UBP1: variants seen among roughly 807,000 people sequenced by gnomAD.
The protein encoded by UBP1 is upstream-binding protein 1.
UBP1 carries 22 observed loss-of-function variants against 76.1 expected under a neutral mutation model. The observed-to-expected ratio is 0.29, with a 90% confidence interval of 0.21 to 0.41. The LOEUF is 0.41. Among genes scored for constraint, UBP1 ranks in the 10% least tolerant of loss-of-function variants. The pLI is 1.00. For synonymous variants in UBP1, 224 were observed against 237.1 expected (o/e 0.94, Z 0.51); for missense variants, 436 against 668.1 (o/e 0.65, Z 3.83).
At chr3:33,440,456 G>A (rs1489025363), upstream of UBP1, 1 of 66,592 alleles carries the variant, frequency 1.5e-5, no homozygotes, top group East Asian at 3.8e-4. Context: ...CCCACGCCTC[G>A]GCCCTCCCCG....
intron 3 of UBP1, chr3:33,414,292 G>A (rs912118141): frequency 6.6e-6 from 1 of 151,854 alleles, no homozygotes; most frequent in African/African-American, 2.4e-5. Context: ...GAGGGAGGAG[G>A]GCGGGAGAGA....
intron 1 of UBP1, among the ~76,000 whole-genome samples, chr3:33,437,127 G>C (rs2045216849): frequency 6.6e-6 from 1 of 151,978 alleles, no homozygotes; most frequent in African/African-American, 2.4e-5. Context: ...GAACACATGA[G>C]AACCAGAGCC....
At chr3:33,415,750 T>G (rs1327952656) in intron 3 of UBP1, among the ~76,000 whole-genome samples, 1 of 148,632 alleles carries the variant, frequency 6.7e-6, no homozygotes, top group East Asian at 2.0e-4. Context: ...ACTGATACAT[T>G]AACAAAAAAA....
chr3:33,400,062 C>T (rs2044163252), intron 11 of UBP1, 127 bp downstream of exon 11: 3 of 526,642 alleles, frequency 5.7e-6, no homozygotes, highest in Non-Finnish European at 9.2e-6. Context: ...AAGAACTTCT[C>T]TGTACATTTT....
intron 1 of UBP1, among the ~76,000 whole-genome samples, chr3:33,437,547 A>G (rs2045222341): frequency 6.6e-6 from 1 of 152,252 alleles, no homozygotes; most frequent in African/African-American, 2.4e-5. Context: ...CCAAAAAGCA[A>G]ATACAGTAAG....
chr3:33,428,411 T>C (rs998065631), intron 1 of UBP1, among the ~76,000 whole-genome samples: 5 of 152,130 alleles, frequency 3.3e-5, no homozygotes, highest in African/African-American at 9.7e-5. Context: ...TGCTAACTGC[T>C]TGGGTTGATC....
chr3:33,399,278 T>C (rs1292717342), intron 11 of UBP1, among the ~76,000 whole-genome samples: 1 of 152,230 alleles, frequency 6.6e-6, no homozygotes, highest in Non-Finnish European at 1.5e-5. Flanking sequence ...TGGGAAATGC[T>C]ACCTCTGCCC....
At chr3:33,412,902 G>C (rs985662779) in intron 3 of UBP1, 75 bp from the exon 4 acceptor site, 11 of 932,146 alleles carry the variant, frequency 1.2e-5, no homozygotes, top group Non-Finnish European at 2.0e-5. Flanking sequence ...TACTTCTTAT[G>C]TGTTAACCTG....
intron 5 of UBP1, 139 bp downstream of exon 5, chr3:33,411,442 C>T: frequency 3.0e-6 from 2 of 674,052 alleles, no homozygotes; most frequent in Non-Finnish European, 2.5e-6. Context: ...TAGATTAAAC[C>T]TAACTATGTA....
chr3:33,437,771 T>A (rs2045225736), intron 1 of UBP1, among the ~76,000 whole-genome samples: 1 of 152,186 alleles, frequency 6.6e-6, no homozygotes, highest in Non-Finnish European at 1.5e-5. Context: ...GCATGGAAAG[T>A]ACAACTGCAG....
Position 33,425,659 on chromosome 3 carries a change from A to G in UBP1, c.196T>C (p.Tyr66His). The change falls in exon 2 of 16, where the codon TAT (tyrosine) becomes CAT (histidine). Residue 66 changes from tyrosine (Y) to histidine (H), a missense_variant. Tyr to His is a moderately conservative substitution (Grantham distance 83). Around this residue, in one of 3 missense-constraint regions of UBP1, gnomAD observed 161 missense variants for 237.9 expected, o/e 0.68. Transcript: ENST00000283629. ...DGETEHPPFQ[Y>H]VMCAATSPAV... is the part of the protein sequence containing the mutation. The stretch of plus-strand genomic sequence containing the variant: ...GGTGACGTTGCAGCACACATCACAT[A>G]CTGAAAGGGTGGGTGCTCTGTTTCA... 1 of 1,604,900 alleles carries G rather than the reference A, an allele frequency of 6.2e-7. No individual in the cohort carries two copies. The highest frequency in any genetic ancestry group is 8.5e-7 in the Non-Finnish European group (1 of 1,172,934).
chr3:33,408,833 T>A, intron 7 of UBP1, 36 bp from the exon 8 acceptor site: 1 of 1,554,786 alleles, frequency 6.4e-7, no homozygotes, highest in African/African-American at 1.4e-5. Flanking sequence ...CAATGTCTTT[T>A]CATTATACAA....
At chr3:33,435,859 T>C (rs192923304) in intron 1 of UBP1, among the ~76,000 whole-genome samples, 2 of 152,286 alleles carry the variant, frequency 1.3e-5, no homozygotes, top group Admixed American at 1.3e-4. Context: ...AAATACAACA[T>C]ACAGTGTCTA....
In UBP1 at chr3:33,396,194, C is replaced by G; in HGVS notation, c.1358G>C (p.Ser453Thr). ...TGCCCCACTGCCATTCTCGCTTGCA[C>G]TGCTTGCAGCTTGCTGCTGCCCTTG... is the stretch of plus-strand genomic sequence containing the variant. Reference protein sequence around the residue: ...VLQGQQQAASSASENGSGAPY... With the variant: ...VLQGQQQAASTASENGSGAPY... Residue 453 changes from serine (S) to threonine (T), a missense_variant, in exon 13 of 16, where the codon AGT (serine) becomes ACT (threonine). Physicochemically the swap from Ser to Thr is moderately conservative, Grantham distance 58. This residue lies in a region of UBP1 where 210 missense variants were observed against 272.8 expected (regional missense o/e 0.77). Coordinates refer to ENST00000283629, the MANE Select transcript of UBP1 (RefSeq NM_014517.5). The G allele has an allele frequency of 6.3e-7, 1 of 1,594,142 alleles. No individual in the cohort carries two copies. Among genetic ancestry groups the G allele is most frequent in the Admixed American group, 1.7e-5 (1 of 59,766 alleles).
chr3:33,417,053 A>G (rs1283583725), intron 2 of UBP1, among the ~76,000 whole-genome samples: 1 of 152,216 alleles, frequency 6.6e-6, no homozygotes, highest in African/African-American at 2.4e-5. Flanking sequence ...CTGTCAATTT[A>G]TCTTCATCTG....
chr3:33,417,320 T>C (rs932699615), intron 2 of UBP1, among the ~76,000 whole-genome samples: 20 of 144,850 alleles, frequency 1.4e-4, no homozygotes, highest in Admixed American at 3.6e-4. Context: ...CTGCTAGCGA[T>C]CACCAATCCA....
Position 33,404,715 on chromosome 3 carries a change from A to G in UBP1, c.928-1811T>C, listed in dbSNP as rs1199723161. On this transcript the variant is annotated intron_variant, in intron 8 of 15. Coordinates refer to ENST00000283629, the MANE Select transcript of UBP1 (RefSeq NM_014517.5). ...TTTTCTGTAAGTCAGGTGATTTTCA[A>G]TTATTTGCTATCAAAATAATTCAGG... 4.6e-5 allele frequency among the ~76,000 whole-genome samples: 7 copies of G among 152,312 alleles called. No homozygotes were observed. In the South Asian group the frequency reaches 1.2e-3, roughly 27 times the overall value.
intron 2 of UBP1, among the ~76,000 whole-genome samples, chr3:33,424,489 T>C (rs2044977564): frequency 6.6e-6 from 1 of 152,246 alleles, no homozygotes; most frequent in South Asian, 2.1e-4. Flanking sequence ...TTCTAATTTT[T>C]TGAAAGAAAA....
intron 3 of UBP1, among the ~76,000 whole-genome samples, chr3:33,415,753 CA>C (rs565224161): frequency 7.0e-4 from 98 of 140,942 alleles, no homozygotes; most frequent in Admixed American, 1.1e-3. Context: ...GATACATTAA[CA>C]AAAAAAAAAA....
Sources: gnomAD v4.1 joint callset for allele counts (sites outside exome capture counted in the v4.1 genomes callset) on GRCh38, gnomAD v4.1.1 for gene constraint, gnomAD v4.1.1 regional missense constraint, MANE v1.5 for transcripts, NCBI Gene and HGNC (gene_info 2026-07-23, HGNC 2026-07-21) for gene names.